Variants in BRD8 observed in about 807,000 individuals in gnomAD.
BRD8 encodes bromodomain containing 8, also known as bromodomain-containing protein 8.
A neutral mutation model predicts 143.1 loss-of-function variants in BRD8; 67 were observed. The ratio of observed to expected loss-of-function variants is 0.47; its 90% CI spans 0.38 to 0.57. The LOEUF (loss-of-function observed/expected upper bound fraction) is 0.57. BRD8 is among the 20% of genes least tolerant of loss of function. The pLI, the probability that BRD8 is intolerant of heterozygous loss-of-function variation, is 0.00. For missense variants in BRD8, 1,103 were observed against 1,503.0 expected (o/e 0.73, Z 4.40); for synonymous variants, 505 against 517.1 (o/e 0.98, Z 0.32).
At chr5:138,168,761 G>C (rs1376856397) in intron 8 of BRD8, 1 of 778,240 alleles carries the variant, frequency 1.3e-6, no homozygotes, top group Non-Finnish European at 2.2e-6. Context: ...GTATGGGTTA[G>C]TGTGTCTAAC....
chr5:138,153,907 C>T (rs1185348935), intron 20 of BRD8, among the ~76,000 whole-genome samples: 1 of 151,926 alleles, frequency 6.6e-6, no homozygotes, highest in African/African-American at 2.4e-5. Context: ...AACTTCTGAC[C>T]TCAGGGGATC....
Position 138,152,663 on chromosome 5 carries a change from G to A in BRD8, c.2675C>T (p.Ser892Phe). The change falls in exon 21 of 27, where the codon TCC (serine) becomes TTC (phenylalanine). Residue 892 changes from serine to phenylalanine, a missense_variant. Around this residue, in one of 7 missense-constraint regions of BRD8, gnomAD observed 369 missense variants for 445.5 expected, o/e 0.83. Transcript: ENST00000254900. ...DCRSLFSSWD[S>F]SLDLDVGNWR... Reference sequence around the variant, plus strand: ...GTTGCCCACATCAAGATCCAGACTGGAGTCCCATGAGCTGAAGAGGGACCT... The same window carrying A: ...GTTGCCCACATCAAGATCCAGACTGAAGTCCCATGAGCTGAAGAGGGACCT... 2 of 1,614,164 alleles carry A rather than the reference G, an allele frequency of 1.2e-6. No individual in the cohort carries two copies. Among genetic ancestry groups the A allele is most frequent in the Non-Finnish European group, 1.7e-6 (2 of 1,180,040 alleles).
intron 21 of BRD8, among the ~76,000 whole-genome samples, chr5:138,151,932 G>A (rs970537595): frequency 5.3e-5 from 8 of 152,134 alleles, no homozygotes; most frequent in Non-Finnish European, 8.8e-5. Flanking sequence ...TCAGCTCACT[G>A]CAACCTCCGC....
At chr5:138,168,267 A>G (rs1196600653) in intron 8 of BRD8, among the ~76,000 whole-genome samples, 189 bp from the exon 9 acceptor site, 2 of 152,274 alleles carry the variant, frequency 1.3e-5, no homozygotes, top group African/African-American at 2.4e-5. Flanking sequence ...TCTCTGGAGA[A>G]GAGAACCAAA....
chr5:138,165,050 C>G lies in BRD8; in HGVS notation c.1395G>C (p.Gln465His), dbSNP rs770809555. 1.9e-6 allele frequency: 3 copies of G among 1,614,036 alleles called. No homozygotes were observed. In the African/African-American group the frequency reaches 4.0e-5, roughly 22 times the overall value. The change falls in exon 12 of 27, where the codon CAG (glutamine) becomes CAC (histidine). Residue 465 changes from glutamine (Q) to histidine (H), a missense_variant. This residue lies in a region of BRD8 where 53 missense variants were observed against 101.4 expected (regional missense o/e 0.52). Transcript: ENST00000254900. ...GGAGAGGTACTGGCTTGTCCCGCTC[C>G]TGCTGGATAGGATGCTCCCAGGGGC... Reference protein sequence around the residue: ...LPGPWEHPIQQERDKPVPLPA... With the variant: ...LPGPWEHPIQHERDKPVPLPA...
intron 2 of BRD8, among the ~76,000 whole-genome samples, chr5:138,176,979 T>C (rs1347929627): frequency 6.6e-6 from 1 of 150,744 alleles, no homozygotes; most frequent in Non-Finnish European, 1.5e-5. Flanking sequence ...TCCCAGCTAC[T>C]CAAGAGGCTG....
At position 138,164,082 on chromosome 5, in the gene BRD8, A is replaced by C. The variant is rs1243165093; in HGVS notation, c.1872+5T>G. ...GCAAGAGGAATAAAGAAAAGTCTGA[A>C]ATACCTTTATCTGGCTTCCAAAAAT... On this transcript the variant is annotated splice_donor_5th_base_variant and intron_variant, in intron 14 of 26. Coordinates refer to ENST00000254900, the MANE Select transcript of BRD8 (RefSeq NM_139199.2). The C allele has an allele frequency of 1.9e-6, 3 of 1,613,578 alleles. No homozygotes were observed. The highest frequency in any genetic ancestry group is 2.5e-6 in the Non-Finnish European group (3 of 1,179,516).
intron 21 of BRD8, 24 bp downstream of exon 21, chr5:138,152,458 T>G (rs1752412529): frequency 6.2e-7 from 1 of 1,609,802 alleles, no homozygotes; most frequent in East Asian, 2.2e-5. Flanking sequence ...TTTTCCAGCT[T>G]TGGAAATAAG....
intron 7 of BRD8, among the ~76,000 whole-genome samples, chr5:138,169,890 C>T (rs1753731335): frequency 6.6e-6 from 1 of 152,188 alleles, no homozygotes; most frequent in African/African-American, 2.4e-5. Flanking sequence ...ACCCGCGAGG[C>T]GGAGGTTGCA....
At chr5:138,156,937 T>C (rs1306479063) in intron 20 of BRD8, 3 of 1,256,488 alleles carry the variant, frequency 2.4e-6, no homozygotes, top group Non-Finnish European at 3.0e-6. Flanking sequence ...GTGGTTGTTT[T>C]TTTTAAAAAG....
intron 6 of BRD8, 25 bp from the exon 7 acceptor site, chr5:138,170,434 T>C (rs780668718): frequency 1.2e-5 from 19 of 1,613,598 alleles, no homozygotes; most frequent in Non-Finnish European, 1.2e-5. Flanking sequence ...AAGGGTTAGA[T>C]GCTAGACAGC....
intron 2 of BRD8, chr5:138,177,296 G>A (rs145995269): frequency 1.0e-4 from 24 of 238,902 alleles, no homozygotes; most frequent in South Asian, 1.0e-4. Flanking sequence ...CTGGCAGGCC[G>A]AGGTGGGGGG....
chr5:138,143,342 A>T (rs1384404818), intron 25 of BRD8, among the ~76,000 whole-genome samples: 1 of 152,116 alleles, frequency 6.6e-6, no homozygotes, highest in Non-Finnish European at 1.5e-5. Flanking sequence ...AGCTAAGTGC[A>T]GTGGCACATG....
At chr5:138,177,184 G>A (rs1180821587) in intron 2 of BRD8, 2 of 159,010 alleles carry the variant, frequency 1.3e-5, no homozygotes, top group African/African-American at 4.8e-5. Flanking sequence ...TCAGGAGATT[G>A]AGACCATCGT....
At chr5:138,162,362 T>C (rs1753063447) in intron 15 of BRD8, among the ~76,000 whole-genome samples, 1 of 151,978 alleles carries the variant, frequency 6.6e-6, no homozygotes, top group South Asian at 2.1e-4. Context: ...GCCCAGCTAA[T>C]TTTTTAATTT....
chr5:138,151,822 C>T (rs575040697), intron 21 of BRD8, among the ~76,000 whole-genome samples: 140 of 152,092 alleles, frequency 9.2e-4, no homozygotes, highest in Middle Eastern at 6.8e-3. Context: ...TGCCACCAAG[C>T]CCGGCTAATT....
At chr5:138,154,937 C>T (rs913468317) in intron 20 of BRD8, among the ~76,000 whole-genome samples, 14 of 150,640 alleles carry the variant, frequency 9.3e-5, no homozygotes, top group African/African-American at 3.4e-4. Flanking sequence ...TCAAGCACTT[C>T]TCCTGCCTCA....
rs1253218470 is a variant in BRD8 at position 138,161,881 on chromosome 5, A to C, written c.2181-17T>G. On this transcript the variant is annotated splice_polypyrimidine_tract_variant and intron_variant, in intron 16 of 26. Transcript: ENST00000254900. ...TTGGCATACCTGTCCAAAAGGAATA[A>C]GGTGCAATTACTGACATTCTCCAGA... The C allele has an allele frequency of 6.2e-7, 1 of 1,613,714 alleles. No individual in the cohort carries two copies. Among genetic ancestry groups the C allele is most frequent in the Non-Finnish European group, 8.5e-7 (1 of 1,179,698 alleles).
At position 138,150,900 on chromosome 5, in the gene BRD8, C is replaced by T; in HGVS notation, c.2965G>A (p.Gly989Arg). 1 of 1,614,198 alleles carries T rather than the reference C, an allele frequency of 6.2e-7. No homozygotes were observed. The highest frequency in any genetic ancestry group is 8.5e-7 in the Non-Finnish European group (1 of 1,180,044). The change falls in exon 22 of 27, where the codon GGA becomes AGA. Residue 989 changes from glycine (G) to arginine (R), a missense_variant. Gly to Arg is a moderately radical substitution (Grantham distance 125, BLOSUM62 -2). Transcript: ENST00000254900. The part of the protein sequence containing the change: ...QEGREIKASE[G>R]ERELCRETEE... The stretch of plus-strand genomic sequence containing the variant: ...GTCTCTCTGCAGAGCTCCCTTTCTC[C>T]TTCGCTAGCTTTAATTTCCCTTCCT...
Sources: gnomAD v4.1 joint callset for allele counts (sites outside exome capture counted in the v4.1 genomes callset) on GRCh38, gnomAD v4.1.1 for gene constraint, gnomAD v4.1.1 regional missense constraint, MANE v1.5 for transcripts, NCBI Gene and HGNC (gene_info 2026-07-23, HGNC 2026-07-21) for gene names.